Variants in DIP2B observed in about 807,000 individuals in gnomAD.
The protein encoded by DIP2B is DIP2 acetate--CoA ligase B (putative), also known as disco-interacting protein 2 homolog B.
DIP2B carries 76 observed loss-of-function variants against 198.0 expected under a neutral mutation model. The ratio of observed to expected loss-of-function variants is 0.38; its 90% confidence interval spans 0.32 to 0.46. DIP2B has a LOEUF of 0.46. Among genes scored for constraint, DIP2B ranks in the 20% least tolerant of loss-of-function variants. DIP2B has a pLI of 0.99. For missense variants in DIP2B, 1,559 were observed against 1,978.4 expected, an observed-to-expected ratio of 0.79 and a Z score of 4.02; for synonymous variants, 701 against 739.1, an observed-to-expected ratio of 0.95 and a Z score of 0.84.
chr12:50,669,156 C>T (rs918010107), intron 4 of DIP2B, among the ~76,000 whole-genome samples: 3 of 152,142 alleles, frequency 2.0e-5, no homozygotes, highest in Non-Finnish European at 4.4e-5. Flanking sequence ...TGATTACTCC[C>T]GTTTCTTAGC....
At position 50,697,145 on chromosome 12, in the gene DIP2B, C is replaced by T; in HGVS notation, c.2018C>T (p.Ser673Phe). ...GAGGCCATCTGTCCGTGCGCCACGTCTGCTGAAGCCATGACTGTAGCAATC... is the reference window on the plus strand; with the variant it reads ...GAGGCCATCTGTCCGTGCGCCACGTTTGCTGAAGCCATGACTGTAGCAATC... ...KPEAICPCAT[S>F]AEAMTVAIRR... The change falls in exon 17 of 38, where the codon TCT becomes TTT. Residue 673 changes from serine to phenylalanine, a missense_variant. Ser to Phe is a radical substitution (Grantham distance 155). Transcript: ENST00000301180. The T allele has an allele frequency of 6.2e-7, 1 of 1,614,120 alleles. No homozygotes were observed. The highest frequency in any genetic ancestry group is 8.5e-7 in the Non-Finnish European group (1 of 1,179,978).
intron 1 of DIP2B, among the ~76,000 whole-genome samples, chr12:50,530,137 C>T (rs952258899): frequency 2.0e-5 from 3 of 151,960 alleles, no homozygotes; most frequent in African/African-American, 7.2e-5. Context: ...AGTGCGGTGG[C>T]GCGATCTCGG....
chr12:50,730,713 C>T (rs746975903), intron 30 of DIP2B, among the ~76,000 whole-genome samples: 1 of 152,118 alleles, frequency 6.6e-6, no homozygotes, highest in Non-Finnish European at 1.5e-5. Flanking sequence ...TATTTCTGAT[C>T]GCTTCAAACA....
At chr12:50,582,145 GTTTTTTTTT>G (rs367699036) in intron 1 of DIP2B, among the ~76,000 whole-genome samples, 13 of 77,550 alleles carry the variant, frequency 1.7e-4, no homozygotes, top group Admixed American at 7.3e-4. Flanking sequence ...CTTTTTTTCT[GTTTTTTTTT>G]TTTTTTTTTT....
intron 4 of DIP2B, among the ~76,000 whole-genome samples, chr12:50,670,280 C>T (rs757391424): frequency 1.3e-5 from 2 of 152,098 alleles, no homozygotes. Flanking sequence ...CTTCTCCTGT[C>T]ATGCTTGGAA....
Position 50,691,133 on chromosome 12 carries a change from G to A in DIP2B, c.1636G>A (p.Ala546Thr), listed in dbSNP as rs143288985. ...MLSHCQALSQ[A>T]CNYSEGETIV... ...GTCTCACTGCCAAGCTCTGTCGCAGGCCTGCAATTATTCTGAAGGTCAGAC... is the reference window on the plus strand; with the variant it reads ...GTCTCACTGCCAAGCTCTGTCGCAGACCTGCAATTATTCTGAAGGTCAGAC... Residue 546 changes from alanine (A) to threonine (T), a missense_variant, in exon 13 of 38, where the codon GCC (alanine) becomes ACC (threonine). Coordinates refer to ENST00000301180, the MANE Select transcript of DIP2B (RefSeq NM_173602.3). 4.2e-5 allele frequency: 67 copies of A among 1,614,048 alleles called. No homozygotes were observed. The Admixed American group carries it at 1.1e-3, about 26-fold the overall frequency.
chr12:50,650,774 T>C (rs1052724221), intron 3 of DIP2B, among the ~76,000 whole-genome samples: 2 of 152,238 alleles, frequency 1.3e-5, no homozygotes, highest in African/African-American at 4.8e-5. Context: ...AACATGAGTG[T>C]ACAAATATCT....
chr12:50,671,879 C>T (rs1021337801), intron 5 of DIP2B, among the ~76,000 whole-genome samples: 42 of 152,214 alleles, frequency 2.8e-4, no homozygotes, highest in Admixed American at 2.0e-3. Context: ...TATTGCTACA[C>T]TGGAGTGTGC....
At chr12:50,678,073 G>A (rs1180738925) in intron 7 of DIP2B, among the ~76,000 whole-genome samples, 3 of 148,576 alleles carry the variant, frequency 2.0e-5, no homozygotes, top group Non-Finnish European at 4.5e-5. Context: ...TCACCAGGAG[G>A]CAAAGGGATT....
intron 3 of DIP2B, among the ~76,000 whole-genome samples, chr12:50,648,423 G>A (rs1035773950): frequency 3.3e-5 from 5 of 152,034 alleles, no homozygotes; most frequent in Non-Finnish European, 7.4e-5. Flanking sequence ...GAGTCCAGTG[G>A]CCCGATCTCG....
rs886482512 is a variant in DIP2B at position 50,700,350 on chromosome 12, A to C, written c.2325+1148A>C. Reference sequence around the variant, plus strand: ...ATTAACCTGTCTCAGGATACATTTTAGGGACGAGAGAAATTCAGGTGGCAG... The same window carrying C: ...ATTAACCTGTCTCAGGATACATTTTCGGGACGAGAGAAATTCAGGTGGCAG... On this transcript the variant is annotated intron_variant, in intron 19 of 37. Coordinates refer to ENST00000301180, the MANE Select transcript of DIP2B (RefSeq NM_173602.3). Among the ~76,000 whole-genome samples, 21 of 152,228 alleles carry C rather than the reference A, an allele frequency of 1.4e-4. 1 individual carries two copies.
At chr12:50,663,222 C>A (rs562652556) in intron 4 of DIP2B, among the ~76,000 whole-genome samples, 1 of 151,542 alleles carries the variant, frequency 6.6e-6, no homozygotes, top group South Asian at 2.1e-4. Context: ...GTCAGGAGAT[C>A]GAGACCATCC....
At chr12:50,513,467 A>G (rs1033583045) in intron 1 of DIP2B, among the ~76,000 whole-genome samples, 4 of 152,228 alleles carry the variant, frequency 2.6e-5, no homozygotes, top group Admixed American at 1.3e-4. Context: ...TCTACAAGCT[A>G]TGAAAAGGGA....
chr12:50,597,560 ACTT>A (rs1200873921), intron 1 of DIP2B, among the ~76,000 whole-genome samples: 1 of 152,150 alleles, frequency 6.6e-6, no homozygotes, highest in Admixed American at 6.5e-5. Context: ...AACGAGCATC[ACTT>A]CTTTGAATCA....
chr12:50,712,627 G>A (rs983361932), intron 22 of DIP2B, among the ~76,000 whole-genome samples: 1 of 146,576 alleles, frequency 6.8e-6, no homozygotes, highest in Non-Finnish European at 1.5e-5. Context: ...AACGAAAAAG[G>A]GCTGGGCACG....
intron 1 of DIP2B, among the ~76,000 whole-genome samples, chr12:50,605,555 C>T (rs889585746): frequency 2.0e-5 from 3 of 152,054 alleles, no homozygotes; most frequent in Non-Finnish European, 2.9e-5. Context: ...AGAGTGAGAC[C>T]CTGTCTCCAA....
At chr12:50,650,081 G>C (rs572163656) in intron 3 of DIP2B, among the ~76,000 whole-genome samples, 1 of 151,958 alleles carries the variant, frequency 6.6e-6, no homozygotes, top group Admixed American at 6.6e-5. Context: ...GTGGTGGTGG[G>C]TGCCTGTAAT....
rs4768915 is a variant in DIP2B, at chr12:50,748,100, A to G, written c.*3261A>G. On this transcript the variant is annotated 3_prime_UTR_variant, in exon 38 of 38. Transcript: ENST00000301180. ...TGCTTAATGCTTTTGTTGACTCAAC[A>G]AGGGCCCGAGGCCTTAGGTTTTCTA... 134,474 of 152,628 alleles carry G rather than the reference A, an allele frequency of 0.88. 60,205 individuals carry two copies. Among genetic ancestry groups the G allele is most frequent in the Non-Finnish European group, 0.98 (66,530 of 68,032 alleles). The allele number at this position is 152,628 out of a possible 1,614,324, so 9.5% of individuals were successfully genotyped here.
intron 1 of DIP2B, among the ~76,000 whole-genome samples, chr12:50,614,649 C>T (rs574218952): frequency 2.6e-5 from 4 of 152,264 alleles, no homozygotes; most frequent in South Asian, 2.1e-4. Flanking sequence ...GGCCCAGAGA[C>T]GTATAGTGGC....
Sources: gnomAD v4.1 joint callset for allele counts (sites outside exome capture counted in the v4.1 genomes callset) on GRCh38, gnomAD v4.1.1 for gene constraint, MANE v1.5 for transcripts, NCBI Gene and HGNC (gene_info 2026-07-23, HGNC 2026-07-21) for gene names.